The following GPD2 variants were observed in gnomAD, a reference collection of about 807,000 sequenced individuals.
The protein encoded by GPD2 is glycerol-3-phosphate dehydrogenase, mitochondrial.
GPD2 carries 54 observed loss-of-function variants against 82.4 expected under a neutral mutation model. The ratio of observed to expected loss-of-function variants is 0.66; its 90% CI spans 0.53 to 0.82. The LOEUF (loss-of-function observed/expected upper bound fraction) is 0.82. Ranked by LOEUF, GPD2 falls within the 40% of genes least tolerant of loss-of-function variation. The pLI, the probability that GPD2 is intolerant of heterozygous loss-of-function variation, is 0.00. For missense variants in GPD2, 748 were observed against 896.2 expected (o/e 0.83, Z 2.11); for synonymous variants, 288 against 306.1 (o/e 0.94, Z 0.62).
intron 3 of GPD2, among the ~76,000 whole-genome samples, chr2:156,508,035 A>G (rs1684848933): frequency 6.6e-6 from 1 of 152,114 alleles, no homozygotes; most frequent in Non-Finnish European, 1.5e-5. Context: ...GGCTATAGTT[A>G]ATCTTCACAC....
chr2:156,547,891 T>G (rs188638457), intron 6 of GPD2, among the ~76,000 whole-genome samples: 7 of 152,362 alleles, frequency 4.6e-5, no homozygotes, highest in African/African-American at 1.4e-4. Context: ...AATAGTGGCT[T>G]CATTTAGGAT....
intron 13 of GPD2, among the ~76,000 whole-genome samples, chr2:156,573,652 A>T (rs1687718338): frequency 6.6e-6 from 1 of 152,124 alleles, no homozygotes; most frequent in Admixed American, 6.6e-5. Context: ...TTCAGTTCAT[A>T]TTTTATGAAC....
intron 2 of GPD2, among the ~76,000 whole-genome samples, chr2:156,477,977 C>A (rs559089280): frequency 6.6e-6 from 1 of 152,270 alleles, no homozygotes; most frequent in Non-Finnish European, 1.5e-5. Context: ...GTCACAATAT[C>A]TAATATGATG....
At chr2:156,401,188 G>A in the GPD2 span, among the ~76,000 whole-genome samples, 5 of 152,188 alleles carry the variant, frequency 3.3e-5, no homozygotes, top group East Asian at 1.9e-4. Context: ...CGCGTGGCAG[G>A]CGAGAATTCT....
chr2:156,471,303 C>A (rs1683317768), intron 1 of GPD2, among the ~76,000 whole-genome samples: 1 of 152,182 alleles, frequency 6.6e-6, no homozygotes, highest in South Asian at 2.1e-4. Context: ...TATTTCATTG[C>A]CCTCTAATTG....
At chr2:156,406,981 C>T in the GPD2 span, among the ~76,000 whole-genome samples, 15 of 152,166 alleles carry the variant, frequency 9.9e-5, no homozygotes, top group Admixed American at 1.3e-4. Context: ...GAGGCCAAGA[C>T]GGGCAGATCA....
chr2:156,432,695 T>C (rs1688331054), upstream of GPD2, among the ~76,000 whole-genome samples: 2 of 152,254 alleles, frequency 1.3e-5, no homozygotes, highest in Admixed American at 6.5e-5. Flanking sequence ...CAATGTTTTA[T>C]TGGAGAAAAT....
At position 156,530,520 on chromosome 2, in the gene GPD2, G is replaced by C. The variant is rs1573967903; in HGVS notation, c.661+17024G>C. 2.0e-5 allele frequency among the ~76,000 whole-genome samples: 3 copies of C among 150,064 alleles called. 1 individual carries two copies. Among genetic ancestry groups the C allele is most frequent in the African/African-American group, 4.9e-5 (2 of 40,930 alleles). Reference sequence around the variant, plus strand: ...CCCTGTCTTGTGCCAGTTTTCAAAGGGAATGCTTCCAGTTTTTGCCCATTC... The same window carrying C: ...CCCTGTCTTGTGCCAGTTTTCAAAGCGAATGCTTCCAGTTTTTGCCCATTC... On this transcript the variant is annotated intron_variant, in intron 6 of 16. Transcript: ENST00000438166.
At chr2:156,500,337 T>C (rs146769399) in intron 3 of GPD2, among the ~76,000 whole-genome samples, 1 of 152,268 alleles carries the variant, frequency 6.6e-6, no homozygotes, top group African/African-American at 2.4e-5. Flanking sequence ...AATCTATATT[T>C]ATCCTTTTAC....
intron 9 of GPD2, among the ~76,000 whole-genome samples, chr2:156,567,626 A>G (rs1687439515): frequency 6.6e-6 from 1 of 152,058 alleles, no homozygotes; most frequent in East Asian, 1.9e-4. Flanking sequence ...GGTAGGCATT[A>G]TTTTCCCAGT....
intron 1 of GPD2, among the ~76,000 whole-genome samples, chr2:156,462,618 A>G (rs984969476): frequency 6.6e-6 from 1 of 152,048 alleles, no homozygotes; most frequent in Admixed American, 6.6e-5. Context: ...TCTTAACTCT[A>G]TGTAAGAGGC....
chr2:156,495,396 G>A (rs563886813), intron 2 of GPD2, among the ~76,000 whole-genome samples: 1 of 152,222 alleles, frequency 6.6e-6, no homozygotes, highest in Middle Eastern at 3.4e-3. Flanking sequence ...TACTTTCAAT[G>A]TATAGAATCT....
At chr2:156,470,881 A>G (rs1407269335) in intron 1 of GPD2, among the ~76,000 whole-genome samples, 1 of 152,242 alleles carries the variant, frequency 6.6e-6, no homozygotes, top group East Asian at 1.9e-4. Flanking sequence ...GTTTGCTAGC[A>G]GTAAGTACAT....
chr2:156,517,641 C>T (rs1685248452), intron 6 of GPD2, among the ~76,000 whole-genome samples: 1 of 152,154 alleles, frequency 6.6e-6, no homozygotes, highest in African/African-American at 2.4e-5. Flanking sequence ...GTGACCAGGC[C>T]AACTTTCTCA....
At chr2:156,445,123 A>T (rs1472818107) in intron 1 of GPD2, among the ~76,000 whole-genome samples, 1 of 152,234 alleles carries the variant, frequency 6.6e-6, no homozygotes, top group Non-Finnish European at 1.5e-5. Flanking sequence ...TTAATAATAA[A>T]CAGCAATGAC....
rs1688209806 is a variant in GPD2, at chr2:156,586,198, A to C, written c.*3280A>C. 1 of 152,430 alleles carries C rather than the reference A, an allele frequency of 6.6e-6. No homozygotes were observed. The highest frequency in any genetic ancestry group is 6.6e-5 in the Admixed American group (1 of 15,220). The allele number at this position is 152,430 out of a possible 1,614,324, so 9.4% of individuals were successfully genotyped here. ...TGTTACTTGCAGTCAGATAACTTTG[A>C]TTACTGTTGAAGTTTAAAAAAAGTT... is the stretch of plus-strand genomic sequence containing the variant. On this transcript the variant is annotated 3_prime_UTR_variant, in exon 17 of 17. Transcript: ENST00000438166.
the GPD2 span, among the ~76,000 whole-genome samples, chr2:156,427,363 A>G: frequency 1.3e-5 from 2 of 152,240 alleles, no homozygotes; most frequent in African/African-American, 4.8e-5. Context: ...TAGTTACTGA[A>G]GTATTCTTTT....
chr2:156,525,823 A>G (rs1038207884), intron 6 of GPD2, among the ~76,000 whole-genome samples: 3 of 152,196 alleles, frequency 2.0e-5, no homozygotes, highest in African/African-American at 7.2e-5. Context: ...TTTATAAATT[A>G]TGTAAATAAA....
intron 9 of GPD2, among the ~76,000 whole-genome samples, chr2:156,561,496 T>A (rs867131504): frequency 3.2e-4 from 48 of 152,282 alleles, no homozygotes; most frequent in African/African-American, 1.2e-3. Flanking sequence ...TAGGGAGTGG[T>A]AAGCTTATCA....
Sources: allele counts gnomAD v4.1 joint callset (sites outside exome capture counted in the v4.1 genomes callset), GRCh38; gene constraint gnomAD v4.1.1; transcripts MANE v1.5; gene names NCBI Gene and HGNC (gene_info 2026-07-23, HGNC 2026-07-21).